Variants in MUC5B observed in about 807,000 individuals in gnomAD.
MUC5B encodes the protein mucin-5B.
Under a neutral mutation model 376.9 loss-of-function variants are expected in MUC5B, and 116 were observed. The observed-to-expected ratio is 0.31, with a 90% CI of 0.26 to 0.36. MUC5B has a LOEUF of 0.36. MUC5B is among the 10% of genes least tolerant of loss of function. The pLI is 1.00. For synonymous variants in MUC5B, 3,517 were observed against 3,390.9 expected (o/e 1.04, Z -1.29); for missense variants, 7,165 against 7,769.9 (o/e 0.92, Z 2.93).
chr11:1,228,990 C>T (rs973836314), intron 8 of MUC5B, among the ~76,000 whole-genome samples, 180 bp from the exon 9 acceptor site: 3 of 143,186 alleles, frequency 2.1e-5, no homozygotes, highest in East Asian at 4.4e-4. Context: ...CAGCAGGTGG[C>T]GGGGGCTGGG....
rs764986715 is a variant in MUC5B at position 1,241,080 on chromosome 11, C to T, written c.4200C>T (p.Asp1400=). 3 of 1,612,382 alleles carry T rather than the reference C, an allele frequency of 1.9e-6. No homozygotes were observed. The African/African-American group carries it at 4.0e-5, about 22-fold the overall frequency. Reference sequence around the variant, plus strand: ...AGCTGGGCCAGCAGGTGGACTGTGACCGCATGCGGGGGCTGATGTGCGCCA... The same window carrying T: ...AGCTGGGCCAGCAGGTGGACTGTGATCGCATGCGGGGGCTGATGTGCGCCA... The part of the protein sequence containing the change: ...LEELGQQVDC[D]RMRGLMCANS... The change falls in exon 31 of 49, where the codon GAC becomes GAT. Residue 1400 remains aspartate (D), a synonymous_variant. Transcript: ENST00000529681.
At position 1,249,958 on chromosome 11, in the gene MUC5B, A is replaced by C. The variant is rs936394062; in HGVS notation, c.13078A>C (p.Thr4360Pro). The C allele has an allele frequency of 6.2e-7, 1 of 1,607,558 alleles. No individual in the cohort carries two copies. Among genetic ancestry groups the C allele is most frequent in the African/African-American group, 1.4e-5 (1 of 72,760 alleles). The change falls in exon 31 of 49, where the codon ACC becomes CCC. Residue 4360 changes from threonine (T) to proline (P), a missense_variant. Thr to Pro is a conservative substitution (Grantham distance 38, BLOSUM62 -1). Coordinates refer to ENST00000529681, the MANE Select transcript of MUC5B (RefSeq NM_002458.3). ...CCACCCCTCCTCCACTCCGGAGACC[A>C]CCCACACCTCCACAGTGCTGACCAC... Reference protein sequence around the residue: ...TIHPSSTPETTHTSTVLTTKA... With the variant: ...TIHPSSTPETPHTSTVLTTKA...
chr11:1,231,788 C>T (rs1037901997), intron 14 of MUC5B, among the ~76,000 whole-genome samples: 57 of 152,340 alleles, frequency 3.7e-4, no homozygotes, highest in Admixed American at 5.9e-4. Flanking sequence ...TGGCTCAGGC[C>T]GACTTTGCAC....
In MUC5B at chr11:1,245,385, C is replaced by T; in HGVS notation, c.8505C>T (p.Ala2835=). The change falls in exon 31 of 49, where the codon GCC becomes GCT. Residue 2835 remains alanine (A), a synonymous_variant. Coordinates refer to ENST00000529681, the MANE Select transcript of MUC5B (RefSeq NM_002458.3). The stretch of plus-strand genomic sequence containing the variant: ...CGACCACCCCGGGCCACACCAGGGC[C>T]ACCTCCAGGACCACGGCCACGGCCA... ...PGTTTPGHTR[A]TSRTTATATP... 1 of 1,564,676 alleles carries T rather than the reference C, an allele frequency of 6.4e-7. No homozygotes were observed. Among genetic ancestry groups the T allele is most frequent in the Non-Finnish European group, 8.7e-7 (1 of 1,153,750 alleles).
In MUC5B at chr11:1,243,667, G is replaced by C. The variant is rs745432075; in HGVS notation, c.6787G>C (p.Glu2263Gln). The change falls in exon 31 of 49, where the codon GAG (glutamate) becomes CAG (glutamine). Residue 2263 changes from glutamate to glutamine, a missense_variant. Glu to Gln is a conservative substitution (Grantham distance 29). This residue lies in a region of MUC5B where 79 missense variants were observed against 63.0 expected (regional missense o/e 1.25). Coordinates refer to ENST00000529681, the MANE Select transcript of MUC5B (RefSeq NM_002458.3). ...CCCTCACCCTAGCAGCAGAACCACC[G>C]AGTCACCCCCTTCTCCAGGGACGAC... ...SSPHPSSRTTESPPSPGTTTP... is the reference protein window; with the variant it reads ...SSPHPSSRTTQSPPSPGTTTP... 1 of 1,610,606 alleles carries C rather than the reference G, an allele frequency of 6.2e-7. No homozygotes were observed. The highest frequency in any genetic ancestry group is 8.5e-7 in the Non-Finnish European group (1 of 1,179,384).
chr11:1,241,946 C>T lies in MUC5B; in HGVS notation c.5066C>T (p.Ala1689Val), dbSNP rs1398093099. 1.2e-6 allele frequency: 2 copies of T among 1,606,114 alleles called. No individual in the cohort carries two copies. The highest frequency in any genetic ancestry group is 1.7e-5 in the Admixed American group (1 of 58,732). The change falls in exon 31 of 49, where the codon GCC becomes GTC. Residue 1689 changes from alanine (A) to valine (V), a missense_variant. Transcript: ENST00000529681. ...GSTEPTVPGV[A>V]TSTLPTRSAL... Reference sequence around the variant, plus strand: ...ACAGAACCCACTGTCCCAGGGGTGGCCACATCCACCCTTCCAACACGCTCA... The same window carrying T: ...ACAGAACCCACTGTCCCAGGGGTGGTCACATCCACCCTTCCAACACGCTCA...
intron 46 of MUC5B, 129 bp downstream of exon 46, chr11:1,260,214 A>C (rs1315104200): frequency 7.5e-7 from 1 of 1,333,500 alleles, no homozygotes; most frequent in Non-Finnish European, 1.0e-6. Context: ...CTGCCTGGGA[A>C]GCCCCACCCC....
Position 1,249,885 on chromosome 11 carries a change from G to A in MUC5B, c.13005G>A (p.Gly4335=), listed in dbSNP as rs1862619874. ...CCTCCTCCACCCTTGGGACCACCGGGACCCTCCCAGAACAGACCACCACAC... is the reference window on the plus strand; with the variant it reads ...CCTCCTCCACCCTTGGGACCACCGGAACCCTCCCAGAACAGACCACCACAC... ...PIPSSTLGTT[G]TLPEQTTTPV... is the part of the protein sequence containing the mutation. Residue 4335 remains glycine (G), a synonymous_variant, in exon 31 of 49, where the codon GGG becomes GGA. Coordinates refer to ENST00000529681, the MANE Select transcript of MUC5B (RefSeq NM_002458.3). The A allele has an allele frequency of 6.2e-7, 1 of 1,612,688 alleles. No homozygotes were observed. The highest frequency in any genetic ancestry group is 8.5e-7 in the Non-Finnish European group (1 of 1,179,568).
intron 44 of MUC5B, among the ~76,000 whole-genome samples, chr11:1,259,357 C>A (rs1862939514): frequency 6.6e-6 from 1 of 152,120 alleles, no homozygotes; most frequent in South Asian, 2.1e-4. Context: ...CCCAGGTGAG[C>A]CCACAGCTGC....
chr11:1,259,628 G>C, intron 44 of MUC5B, 128 bp from the exon 45 acceptor site: 1 of 894,896 alleles, frequency 1.1e-6, no homozygotes, highest in African/African-American at 1.6e-5. Context: ...AACTTCTTCG[G>C]GTATAGGCCC....
chr11:1,232,884 C>T, intron 17 of MUC5B, 114 bp downstream of exon 17: 1 of 1,461,180 alleles, frequency 6.8e-7, no homozygotes, highest in South Asian at 1.4e-5. Context: ...TGCACTTCCT[C>T]ATCCCAGCCT....
Position 1,253,784 on chromosome 11 carries a change from T to C in MUC5B, c.15218-308T>C, listed in dbSNP as rs1862762951. ...TCTCTTCTGTCTCCCGTAAGGACAC[T>C]GGTCATTGGATTGAGGGCCCACCCA... is the stretch of plus-strand genomic sequence containing the variant. On this transcript the variant is annotated intron_variant, in intron 33 of 48. Coordinates refer to ENST00000529681, the MANE Select transcript of MUC5B (RefSeq NM_002458.3). This position sits in a 1 kb window ranked among gnomAD's most constrained non-coding sequence, Gnocchi z 4.3. 6.6e-6 allele frequency among the ~76,000 whole-genome samples: 1 copy of C among 152,186 alleles called. No homozygotes were observed.
Position 1,247,060 on chromosome 11 carries a change from G to A in MUC5B, c.10180G>A (p.Ala3394Thr). Reference protein sequence around the residue: ...SGTPPSLTTTATTITATGSTT... With the variant: ...SGTPPSLTTTTTTITATGSTT... ...TACTCCCCCATCACTGACCACCACG[G>A]CCACTACGATCACAGCCACCGGCTC... The change falls in exon 31 of 49, where the codon GCC becomes ACC. Residue 3394 changes from alanine to threonine, a missense_variant. This residue lies in a region of MUC5B where 939 missense variants were observed against 770.6 expected (regional missense o/e 1.22). Transcript: ENST00000529681. The A allele has an allele frequency of 6.4e-7, 1 of 1,558,398 alleles. No homozygotes were observed. Among genetic ancestry groups the A allele is most frequent in the Non-Finnish European group, 8.7e-7 (1 of 1,151,256 alleles).
In MUC5B at chr11:1,258,211, G is replaced by A. The variant is rs1319672217; in HGVS notation, c.16555+8G>A. ...GTCCCACCTTCCGCTGCAGTGAGCGGGGCTGGGGCCGGGCTCCTGGGTGGC... is the reference window on the plus strand; with the variant it reads ...GTCCCACCTTCCGCTGCAGTGAGCGAGGCTGGGGCCGGGCTCCTGGGTGGC... On this transcript the variant is annotated splice_region_variant and intron_variant, in intron 42 of 48. Coordinates refer to ENST00000529681, the MANE Select transcript of MUC5B (RefSeq NM_002458.3). This position sits in a 1 kb window ranked among gnomAD's most constrained non-coding sequence, Gnocchi z 5.5. 6.3e-7 allele frequency: 1 copy of A among 1,583,154 alleles called. No individual in the cohort carries two copies. Among genetic ancestry groups the A allele is most frequent in the Non-Finnish European group, 8.6e-7 (1 of 1,165,712 alleles).
rs1292644225 is a variant in MUC5B at position 1,242,287 on chromosome 11, G to T, written c.5407G>T (p.Val1803Phe). ...TGACGTGGACTTCCCAACCTCAGGG[G>T]TTGCAGGCGGGGACATGGAAACTTT... is the stretch of plus-strand genomic sequence containing the variant. ...WFDVDFPTSG[V>F]AGGDMETFEN... The change falls in exon 31 of 49, where the codon GTT becomes TTT. Residue 1803 changes from valine to phenylalanine, a missense_variant. Coordinates refer to ENST00000529681, the MANE Select transcript of MUC5B (RefSeq NM_002458.3). 3 of 1,613,834 alleles carry T rather than the reference G, an allele frequency of 1.9e-6. No individual in the cohort carries two copies. The highest frequency in any genetic ancestry group is 2.5e-6 in the Non-Finnish European group (3 of 1,179,896).
chr11:1,226,375 G>C, intron 3 of MUC5B, 99 bp downstream of exon 3: 1 of 1,436,364 alleles, frequency 7.0e-7, no homozygotes, highest in Non-Finnish European at 9.5e-7. Context: ...AGGTGGGGCC[G>C]TTGGGCCAGA....
At chr11:1,223,477 C>G in intron 1 of MUC5B, 1 of 495,844 alleles carries the variant, frequency 2.0e-6, no homozygotes, top group Non-Finnish European at 3.7e-6. Context: ...GGGTCTTGGT[C>G]TTGGGGGTGG....
Position 1,244,737 on chromosome 11 carries a change from C to G in MUC5B, c.7857C>G (p.Thr2619=), listed in dbSNP as rs749204689. Residue 2619 remains threonine, a synonymous_variant, in exon 31 of 49, where the codon ACC becomes ACG. Coordinates refer to ENST00000529681, the MANE Select transcript of MUC5B (RefSeq NM_002458.3). Reference sequence around the variant, plus strand: ...CCACAACCACGGGCTTCACAGCCACCCCCTCCTCCAGCCCAGGGACGGCAC... The same window carrying G: ...CCACAACCACGGGCTTCACAGCCACGCCCTCCTCCAGCCCAGGGACGGCAC... ...LTTTTTGFTA[T]PSSSPGTART... 5.0e-6 allele frequency: 8 copies of G among 1,612,114 alleles called. No individual in the cohort carries two copies. The highest frequency in any genetic ancestry group is 6.8e-6 in the Non-Finnish European group (8 of 1,178,924).
In MUC5B at chr11:1,258,731, A is replaced by G; in HGVS notation, c.16594-211A>G. On this transcript the variant is annotated intron_variant, in intron 43 of 48. Transcript: ENST00000529681. This position sits in a 1 kb window ranked among gnomAD's most constrained non-coding sequence, Gnocchi z 5.5. Reference sequence around the variant, plus strand: ...TCTGCCCACCCAGATTCCTGCCCACATGGGGTCTCTGCCTGCCCAGATTCC... The same window carrying G: ...TCTGCCCACCCAGATTCCTGCCCACGTGGGGTCTCTGCCTGCCCAGATTCC... 6.6e-6 allele frequency among the ~76,000 whole-genome samples: 1 copy of G among 151,196 alleles called. No homozygotes were observed. The highest frequency in any genetic ancestry group is 2.1e-4 in the South Asian group (1 of 4,738).
Sources: gnomAD v4.1 joint callset for allele counts (sites outside exome capture counted in the v4.1 genomes callset) on GRCh38, gnomAD v4.1.1 for gene constraint, gnomAD v4.1.1 regional missense constraint, Gnocchi (gnomAD v3.1) non-coding constraint, MANE v1.5 for transcripts, NCBI Gene and HGNC (gene_info 2026-07-23, HGNC 2026-07-21) for gene names.